The following IRAK3 variants were observed in gnomAD, a reference collection of about 807,000 sequenced individuals.
IRAK3 encodes the protein interleukin 1 receptor associated kinase 3, also known as interleukin-1 receptor-associated kinase 3.
A neutral mutation model predicts 56.6 loss-of-function variants in IRAK3; 57 were observed. The ratio of observed to expected loss-of-function variants is 1.01; its 90% CI spans 0.81 to 1.26. The LOEUF (loss-of-function observed/expected upper bound fraction) is 1.26, where lower values mean the gene tolerates loss of function less well. Ranked by LOEUF, IRAK3 falls within the 50% of genes most tolerant of loss-of-function variation. The pLI, the probability that IRAK3 is intolerant of heterozygous loss-of-function variation, is 0.00. For synonymous variants in IRAK3, 258 were observed against 255.7 expected (o/e 1.01, Z -0.09); for missense variants, 703 against 719.0 (o/e 0.98, Z 0.25).
rs1230233527 is a variant in IRAK3 at position 66,237,262 on chromosome 12, A to C, written c.888-7224A>C. Reference sequence around the variant, plus strand: ...CAATGAGCTGTAATTATCCCCCCACAATGTGAGAAAAGTGCTTCATCCAAC... The same window carrying C: ...CAATGAGCTGTAATTATCCCCCCACCATGTGAGAAAAGTGCTTCATCCAAC... On this transcript the variant is annotated intron_variant, in intron 8 of 11. Coordinates refer to ENST00000261233, the MANE Select transcript of IRAK3 (RefSeq NM_007199.3). Among the ~76,000 whole-genome samples the C allele has an allele frequency of 1.3e-5, 2 of 152,038 alleles. 1 individual carries two copies. The highest frequency in any genetic ancestry group is 1.3e-4 in the Admixed American group (2 of 15,252).
intron 7 of IRAK3, among the ~76,000 whole-genome samples, chr12:66,227,528 G>A (rs1255315015): frequency 1.3e-5 from 2 of 151,974 alleles, no homozygotes; most frequent in African/African-American, 2.4e-5. Flanking sequence ...GCAGTGAGCC[G>A]AGATTGCACC....
At chr12:66,234,155 A>C in intron 8 of IRAK3, 1 of 1,614,194 alleles carries the variant, frequency 6.2e-7, no homozygotes, top group Non-Finnish European at 8.5e-7. Flanking sequence ...TGCCTCCTCA[A>C]CAGGAGCCGC....
At chr12:66,203,960 A>G (rs1024550185) in intron 2 of IRAK3, 67 bp downstream of exon 2, 40 of 1,343,356 alleles carry the variant, frequency 3.0e-5, no homozygotes, top group Non-Finnish European at 4.3e-5. Flanking sequence ...AAATTCGAAT[A>G]TTGCATTTTA....
intron 1 of IRAK3, among the ~76,000 whole-genome samples, chr12:66,194,400 C>T (rs73125355): frequency 0.011 from 1,675 of 152,278 alleles, 10 homozygotes; most frequent in Non-Finnish European, 0.017. Flanking sequence ...CACCTCCCAC[C>T]GCTCCATTGA....
chr12:66,216,453 A>G (rs2052677764), intron 5 of IRAK3, among the ~76,000 whole-genome samples: 1 of 152,094 alleles, frequency 6.6e-6, no homozygotes, highest in Non-Finnish European at 1.5e-5. Context: ...TTCTCTAGCA[A>G]TTTGCAAATG....
At position 66,197,877 on chromosome 12, in the gene IRAK3, T is replaced by C. The variant is rs34808816; in HGVS notation, c.134-5834T>C. 1,839 of 985,072 alleles carry C rather than the reference T, an allele frequency of 1.9e-3. 6 individuals are homozygous for C. Among genetic ancestry groups the C allele is most frequent in the Non-Finnish European group, 2.0e-3 (1,655 of 829,882 alleles). 61.0% of individuals were successfully genotyped at this position (985,072 alleles called of 1,614,324 possible). A position where few individuals can be genotyped will look rare whatever the true frequency, so the allele number is the denominator to read the frequency against. On this transcript the variant is annotated intron_variant, in intron 1 of 11. Coordinates refer to ENST00000261233, the MANE Select transcript of IRAK3 (RefSeq NM_007199.3). ...CACAGGACGGGACATCCCAGAGTCATGGCCTGCTGCACTTTTAAAAGGGAA... is the reference window on the plus strand; with the variant it reads ...CACAGGACGGGACATCCCAGAGTCACGGCCTGCTGCACTTTTAAAAGGGAA...
chr12:66,239,138 A>G (rs2052937436), intron 8 of IRAK3, among the ~76,000 whole-genome samples: 1 of 152,184 alleles, frequency 6.6e-6, no homozygotes, highest in African/African-American at 2.4e-5. Context: ...TAATGTTTCC[A>G]AAGCAAAGAG....
In IRAK3 at chr12:66,235,078, G is replaced by A. The variant is rs1218071684; in HGVS notation, c.887+6708G>A. 8 of 1,613,316 alleles carry A rather than the reference G, an allele frequency of 5.0e-6. No homozygotes were observed. The African/African-American group carries it at 5.3e-5, about 11-fold the overall frequency. ...GCTTCACCAGGTCCTGGTCGGTGGT[G>A]TGGGGAGGCAGTCCTCGGATATAGA... On this transcript the variant is annotated intron_variant, in intron 8 of 11. Transcript: ENST00000261233.
At chr12:66,193,187 A>G (rs2052415867) in intron 1 of IRAK3, among the ~76,000 whole-genome samples, 1 of 151,208 alleles carries the variant, frequency 6.6e-6, no homozygotes, top group Non-Finnish European at 1.5e-5. Flanking sequence ...TTTTTTTTGT[A>G]TTTTTAGTAG....
At chr12:66,214,299 G>T (rs1047267278) in intron 5 of IRAK3, among the ~76,000 whole-genome samples, 1 of 151,746 alleles carries the variant, frequency 6.6e-6, no homozygotes, top group South Asian at 2.1e-4. Context: ...TGAGGTGGGC[G>T]GATCACTTGA....
At chr12:66,215,797 C>T (rs1335139716) in intron 5 of IRAK3, among the ~76,000 whole-genome samples, 4 of 41,394 alleles carry the variant, frequency 9.7e-5, no homozygotes, top group African/African-American at 3.4e-4. Context: ...CACACACACA[C>T]ACACACACAC....
rs1592610005 is a variant in IRAK3 at position 66,253,494 on chromosome 12, G to C, written c.*5323G>C. ...GGGCTTGACTTGCAAGTATTTTCCTGGGAGACATTTTTATTCAAAAGACCT... is the reference window on the plus strand; with the variant it reads ...GGGCTTGACTTGCAAGTATTTTCCTCGGAGACATTTTTATTCAAAAGACCT... On this transcript the variant is annotated 3_prime_UTR_variant, in exon 12 of 12. Transcript: ENST00000261233. 2 of 152,086 alleles carry C rather than the reference G, an allele frequency of 1.3e-5. No individual in the cohort carries two copies. The highest frequency in any genetic ancestry group is 4.8e-5 in the African/African-American group (2 of 41,406). The allele number at this position is 152,086 out of a possible 1,614,324, so 9.4% of individuals were successfully genotyped here.
chr12:66,189,269 G>T lies in IRAK3; in HGVS notation c.-31G>T, dbSNP rs1172096402. On this transcript the variant is annotated 5_prime_UTR_variant, in exon 1 of 12. Transcript: ENST00000261233. The stretch of plus-strand genomic sequence containing the variant: ...GCAGGCGTGCAGGGACCTGGACTCC[G>T]CCTCGTCCCCGGGGCTCGGGCAGCC... 4 of 1,534,482 alleles carry T rather than the reference G, an allele frequency of 2.6e-6. No homozygotes were observed. In the South Asian group the frequency reaches 4.8e-5, roughly 18 times the overall value.
intron 8 of IRAK3, among the ~76,000 whole-genome samples, chr12:66,240,629 C>T (rs1198943094): frequency 6.6e-6 from 1 of 151,882 alleles, no homozygotes; most frequent in African/African-American, 2.4e-5. Context: ...GTAATACAGA[C>T]AGCACATGTG....
At chr12:66,242,137 C>T (rs2052976415) in intron 8 of IRAK3, among the ~76,000 whole-genome samples, 1 of 152,072 alleles carries the variant, frequency 6.6e-6, no homozygotes, top group Non-Finnish European at 1.5e-5. Flanking sequence ...TCAGAACATT[C>T]CCACCCTCCC....
chr12:66,193,392 A>G (rs2052418360), intron 1 of IRAK3, among the ~76,000 whole-genome samples: 1 of 152,168 alleles, frequency 6.6e-6, no homozygotes, highest in African/African-American at 2.4e-5. Flanking sequence ...GATACTCTAC[A>G]TCCTTAGTAC....
At chr12:66,230,382 G>T (rs2052831747) in intron 8 of IRAK3, among the ~76,000 whole-genome samples, 1 of 152,148 alleles carries the variant, frequency 6.6e-6, no homozygotes, top group African/African-American at 2.4e-5. Flanking sequence ...AGCTGGAGAG[G>T]TTGAGTTGGG....
chr12:66,234,052 A>G (rs2052875453), intron 8 of IRAK3: 1 of 1,612,272 alleles, frequency 6.2e-7, no homozygotes, highest in African/African-American at 1.3e-5. Context: ...ATGTAAGAAC[A>G]CCTTTCTGTA....
intron 6 of IRAK3, among the ~76,000 whole-genome samples, chr12:66,219,215 C>T (rs917538558): frequency 6.6e-6 from 1 of 152,170 alleles, no homozygotes; most frequent in Admixed American, 6.5e-5. Context: ...CATACGTACC[C>T]TGATATGGTT....
Sources: allele counts gnomAD v4.1 joint callset (sites outside exome capture counted in the v4.1 genomes callset), GRCh38; gene constraint gnomAD v4.1.1; transcripts MANE v1.5; gene names NCBI Gene and HGNC (gene_info 2026-07-23, HGNC 2026-07-21).